The following PKHD1L1 variants were observed in gnomAD, a reference collection of about 807,000 sequenced individuals.
PKHD1L1 encodes fibrocystin-L.
Under a neutral mutation model 462.9 loss-of-function variants are expected in PKHD1L1, and 434 were observed. The observed-to-expected ratio is 0.94, with a 90% confidence interval of 0.87 to 1.02. The LOEUF (loss-of-function observed/expected upper bound fraction) is 1.02, where lower values mean the gene tolerates loss of function less well. Ranked by LOEUF, PKHD1L1 falls within the 50% of genes least tolerant of loss-of-function variation. The pLI is 0.00. For missense variants in PKHD1L1, 5,202 were observed against 5,096.1 expected, an observed-to-expected ratio of 1.02 and a Z score of -0.63; for synonymous variants, 1,781 against 1,750.0, an observed-to-expected ratio of 1.02 and a Z score of -0.44.
intron 70 of PKHD1L1, 124 bp from the exon 71 acceptor site, chr8:109,510,653 T>C: frequency 2.4e-6 from 3 of 1,259,560 alleles, no homozygotes; most frequent in Non-Finnish European, 3.3e-6. Context: ...GTAATAGGTA[T>C]AAATGCTGAA....
intron 46 of PKHD1L1, among the ~76,000 whole-genome samples, chr8:109,458,644 T>A (rs1356497330): frequency 1.3e-5 from 2 of 152,106 alleles, no homozygotes; most frequent in African/African-American, 4.8e-5. Context: ...TTGAATCTAT[T>A]TCACATGTGA....
chr8:109,452,110 C>T lies in PKHD1L1; in HGVS notation c.6351-14C>T, dbSNP rs552977272. ...AGAAAAACATACATGTTATGTTTTC[C>T]CTCTTTTTTACAGTGAAAATATGGA... is the stretch of plus-strand genomic sequence containing the variant. On this transcript the variant is annotated splice_polypyrimidine_tract_variant and intron_variant, in intron 41 of 77. Coordinates refer to ENST00000378402, the MANE Select transcript of PKHD1L1 (RefSeq NM_177531.6). 5.6e-6 allele frequency: 9 copies of T among 1,600,126 alleles called. No homozygotes were observed. In the African/African-American group the frequency reaches 6.7e-5, roughly 12 times the overall value.
chr8:109,454,706 T>G lies in PKHD1L1; in HGVS notation c.6745-17T>G. 1 of 1,611,130 alleles carries G rather than the reference T, an allele frequency of 6.2e-7. No individual in the cohort carries two copies. The highest frequency in any genetic ancestry group is 8.5e-7 in the Non-Finnish European group (1 of 1,178,106). Reference sequence around the variant, plus strand: ...GGGTTTTAATTTTCTGAATGGCATTTGTGACATCTTTTGCAGATTGGAACA... The same window carrying G: ...GGGTTTTAATTTTCTGAATGGCATTGGTGACATCTTTTGCAGATTGGAACA... On this transcript the variant is annotated splice_polypyrimidine_tract_variant and intron_variant, in intron 44 of 77. Coordinates refer to ENST00000378402, the MANE Select transcript of PKHD1L1 (RefSeq NM_177531.6).
At chr8:109,504,266 A>T in intron 67 of PKHD1L1, 61 bp from the exon 68 acceptor site, 1 of 1,110,924 alleles carries the variant, frequency 9.0e-7, no homozygotes, top group Non-Finnish European at 1.2e-6. Flanking sequence ...AATGTGCATT[A>T]AATCTGATTT....
Position 109,518,467 on chromosome 8 carries a change from T to A in PKHD1L1, c.11990T>A (p.Ile3997Asn). 1 of 1,606,864 alleles carries A rather than the reference T, an allele frequency of 6.2e-7. No homozygotes were observed. Among genetic ancestry groups the A allele is most frequent in the Non-Finnish European group, 8.5e-7 (1 of 1,179,358 alleles). Reference protein sequence around the residue: ...RSMGFIIEIEIGDPPIQFISN... With the variant: ...RSMGFIIEIENGDPPIQFISN... ...ATGGGATTCATAATTGAAATAGAGA[T>A]TGGAGACCCTCCTATTCAGTTCATA... The change falls in exon 73 of 78, where the codon ATT becomes AAT. Residue 3997 changes from isoleucine (I) to asparagine (N), a missense_variant. Ile to Asn is a moderately radical substitution (Grantham distance 149). Around this residue, in one of 3 missense-constraint regions of PKHD1L1, gnomAD observed 698 missense variants for 736.3 expected, o/e 0.95. Coordinates refer to ENST00000378402, the MANE Select transcript of PKHD1L1 (RefSeq NM_177531.6).
At chr8:109,390,288 T>C (rs937571290) in intron 8 of PKHD1L1, among the ~76,000 whole-genome samples, 164 bp from the exon 9 acceptor site, 2 of 152,236 alleles carry the variant, frequency 1.3e-5, no homozygotes, top group East Asian at 3.8e-4. Context: ...GTGGCTGCTT[T>C]AGGATAGTTC....
intron 2 of PKHD1L1, among the ~76,000 whole-genome samples, chr8:109,377,235 C>G (rs535231336): frequency 1.4e-5 from 2 of 147,260 alleles, no homozygotes; most frequent in South Asian, 4.6e-4. Flanking sequence ...GTAACAAATA[C>G]TTATCTTTTT....
intron 2 of PKHD1L1, among the ~76,000 whole-genome samples, chr8:109,372,063 G>T (rs368901219): frequency 6.6e-6 from 1 of 152,102 alleles, no homozygotes; most frequent in African/African-American, 2.4e-5. Flanking sequence ...AGCTTGATGG[G>T]GATGGCATTG....
intron 67 of PKHD1L1, among the ~76,000 whole-genome samples, chr8:109,499,823 T>C (rs1819310801): frequency 6.6e-6 from 1 of 152,150 alleles, no homozygotes; most frequent in African/African-American, 2.4e-5. Context: ...AAGGATGTGA[T>C]ATGAGCTGAA....
At chr8:109,494,743 ATC>A in intron 63 of PKHD1L1, among the ~76,000 whole-genome samples, 1 of 152,118 alleles carries the variant, frequency 6.6e-6, no homozygotes, top group African/African-American at 2.4e-5. Context: ...AAGTATAAAA[ATC>A]ATAGAAAGTA....
In PKHD1L1 at chr8:109,420,507, A is replaced by G; in HGVS notation, c.2525-11A>G. On this transcript the variant is annotated splice_polypyrimidine_tract_variant and intron_variant, in intron 22 of 77. Coordinates refer to ENST00000378402, the MANE Select transcript of PKHD1L1 (RefSeq NM_177531.6). The stretch of plus-strand genomic sequence containing the variant: ...TTACACCAACCTAATATTTTTATTT[A>G]TATTCTTTAGAAATGCCCAAGAGAA... The G allele has an allele frequency of 6.6e-7, 1 of 1,510,934 alleles. No homozygotes were observed. Among genetic ancestry groups the G allele is most frequent in the Non-Finnish European group, 8.8e-7 (1 of 1,130,254 alleles). 93.6% of individuals were successfully genotyped at this position (1,510,934 alleles called of 1,614,324 possible).
At chr8:109,512,837 G>A (rs1426451913) in intron 71 of PKHD1L1, among the ~76,000 whole-genome samples, 2 of 150,470 alleles carry the variant, frequency 1.3e-5, no homozygotes, top group Admixed American at 6.6e-5. Context: ...AGCATGGAAT[G>A]TTCTTCCATT....
chr8:109,463,829 A>G (rs73704016), intron 48 of PKHD1L1, among the ~76,000 whole-genome samples: 2,318 of 152,328 alleles, frequency 0.015, 64 homozygotes, highest in African/African-American at 0.052. Flanking sequence ...GCAAAAGAGC[A>G]CAACACCTGG....
In PKHD1L1 at chr8:109,534,170, C is replaced by T. The variant is rs1821101435; in HGVS notation, c.*4080C>T. Among the ~76,000 whole-genome samples, 2 of 152,164 alleles carry T rather than the reference C, an allele frequency of 1.3e-5. No individual in the cohort carries two copies. Among genetic ancestry groups the T allele is most frequent in the South Asian group, 4.1e-4 (2 of 4,832 alleles). ...ACCCTCCCGAATGGAAATGCTTCAA[C>T]TTTAATCTGAGGCTAGGCGCAGTGG... On this transcript the variant is annotated 3_prime_UTR_variant, in exon 78 of 78. Transcript: ENST00000378402.
chr8:109,412,778 T>G (rs1479504646), intron 20 of PKHD1L1, among the ~76,000 whole-genome samples: 1 of 152,134 alleles, frequency 6.6e-6, no homozygotes, highest in Non-Finnish European at 1.5e-5. Flanking sequence ...TAGGATGATC[T>G]TGGATATCCA....
chr8:109,419,002 A>C, intron 21 of PKHD1L1, 95 bp from the exon 22 acceptor site: 1 of 1,142,976 alleles, frequency 8.7e-7, no homozygotes, highest in East Asian at 2.5e-5. Context: ...TGTGGGAAAA[A>C]ATATTTTACT....
chr8:109,467,710 A>G (rs1342096711), intron 50 of PKHD1L1, among the ~76,000 whole-genome samples: 2 of 152,182 alleles, frequency 1.3e-5, no homozygotes, highest in Admixed American at 6.6e-5. Flanking sequence ...CTCACAAAAT[A>G]TACTGTTCTG....
At chr8:109,392,634 T>TTTAAGATTACATTTAGGTAATCTTACA (rs1315111218) in intron 9 of PKHD1L1, among the ~76,000 whole-genome samples, 1 of 152,062 alleles carries the variant, frequency 6.6e-6, no homozygotes, top group Non-Finnish European at 1.5e-5. Context: ...AAATCCTAGT[T>TTTAAGATTACATTTAGGTAATCTTACA]TTAAGATTAC....
At position 109,405,054 on chromosome 8, in the gene PKHD1L1, G is replaced by T. The variant is rs993027644; in HGVS notation, c.1593G>T (p.Lys531Asn). ...TNAINEVQKI[K>N]VTSPCVEANS... ...CAATTAATGAGGTTCAGAAGATCAA[G>T]GTAACCAGCCCATGTGTGGAAGCTA... Residue 531 changes from lysine (K) to asparagine (N), a missense_variant, in exon 16 of 78, where the codon AAG (lysine) becomes AAT (asparagine). Coordinates refer to ENST00000378402, the MANE Select transcript of PKHD1L1 (RefSeq NM_177531.6). 19 of 1,533,720 alleles carry T rather than the reference G, an allele frequency of 1.2e-5. No individual in the cohort carries two copies. Among genetic ancestry groups the T allele is most frequent in the Non-Finnish European group, 1.5e-5 (17 of 1,131,740 alleles).
Sources: allele counts gnomAD v4.1 joint callset (sites outside exome capture counted in the v4.1 genomes callset), GRCh38; gene constraint gnomAD v4.1.1; regional missense constraint gnomAD v4.1.1; transcripts MANE v1.5; gene names NCBI Gene and HGNC (gene_info 2026-07-23, HGNC 2026-07-21).